Variants in TANC1 observed in about 807,000 individuals in gnomAD.
TANC1 encodes tetratricopeptide repeat, ankyrin repeat and coiled-coil containing 1.
In TANC1, 77 loss-of-function variants were observed where a neutral mutation model predicts 149.7. That is an observed-to-expected ratio of 0.51 (90% confidence interval 0.43 to 0.62). The LOEUF (loss-of-function observed/expected upper bound fraction) is 0.62. Ranked by LOEUF, TANC1 falls within the 20% of genes least tolerant of loss-of-function variation. The pLI is 0.00. For synonymous variants in TANC1, 854 were observed against 925.0 expected, an observed-to-expected ratio of 0.92 and a Z score of 1.39; for missense variants, 1,985 against 2,321.8, an observed-to-expected ratio of 0.85 and a Z score of 2.98.
intron 16 of TANC1, among the ~76,000 whole-genome samples, chr2:159,187,528 C>G (rs1340691636): frequency 2.0e-5 from 3 of 152,218 alleles, no homozygotes; most frequent in Non-Finnish European, 4.4e-5. Context: ...TTCTTCACTT[C>G]TTGGTCAGTG....
chr2:159,206,278 G>A (rs1290529953), intron 19 of TANC1, among the ~76,000 whole-genome samples: 1 of 152,186 alleles, frequency 6.6e-6, no homozygotes, highest in East Asian at 1.9e-4. Flanking sequence ...ATGTGTATGG[G>A]GGTCCTCCAA....
At chr2:159,116,192 C>G (rs942959631) in intron 4 of TANC1, among the ~76,000 whole-genome samples, 4 of 152,022 alleles carry the variant, frequency 2.6e-5, no homozygotes, top group Non-Finnish European at 4.4e-5. Context: ...TTTGGGAGGC[C>G]GAGGCAGACA....
At chr2:159,140,504 G>GA (rs879764613) in intron 5 of TANC1, among the ~76,000 whole-genome samples, 1 of 152,004 alleles carries the variant, frequency 6.6e-6, no homozygotes, top group Non-Finnish European at 1.5e-5. Flanking sequence ...TCTATGCTGT[G>GA]AAAAAACACT....
chr2:158,983,468 C>CAAAAAAAAGAAAAAAAA (rs2034632277), intron 1 of TANC1, among the ~76,000 whole-genome samples: 1 of 88,832 alleles, frequency 1.1e-5, no homozygotes, highest in Non-Finnish European at 2.2e-5. Flanking sequence ...CTCCGTCTCC[C>CAAAAAAAAGAAAAAAAA]AAAAAAAAAA....
At chr2:159,009,092 A>G (rs191382191) in intron 2 of TANC1, among the ~76,000 whole-genome samples, 2 of 152,352 alleles carry the variant, frequency 1.3e-5, no homozygotes, top group African/African-American at 2.4e-5. Context: ...CAGGTTGGAA[A>G]ATAAATTATA....
At chr2:159,117,953 C>CTGGAGTTTTTCTCTACTGGAATTTTTCTG (rs1559292549) in intron 4 of TANC1, among the ~76,000 whole-genome samples, 1 of 73,944 alleles carries the variant, frequency 1.4e-5, no homozygotes, top group Admixed American at 1.5e-4. Flanking sequence ...GAGTTTTTCT[C>CTGGAGTTTTTCTCTACTGGAATTTTTCTG]TACTGGAGTT....
intron 13 of TANC1, among the ~76,000 whole-genome samples, chr2:159,178,164 A>AGAT (rs1559402094): frequency 5.2e-4 from 79 of 152,354 alleles, no homozygotes; most frequent in African/African-American, 1.8e-3. Context: ...TTAGATGTGC[A>AGAT]GTGTTGGTTG....
intron 8 of TANC1, among the ~76,000 whole-genome samples, chr2:159,165,555 G>A (rs1352058899): frequency 1.3e-5 from 2 of 152,178 alleles, no homozygotes; most frequent in Non-Finnish European, 2.9e-5. Flanking sequence ...TCAGTTAAGA[G>A]GAAATGGCAA....
intron 16 of TANC1, among the ~76,000 whole-genome samples, chr2:159,190,957 A>C (rs1438961653): frequency 6.6e-6 from 1 of 152,260 alleles, no homozygotes; most frequent in African/African-American, 2.4e-5. Flanking sequence ...TCTGTAGAGC[A>C]GGCTTGGTGG....
At chr2:159,143,072 A>AAAAAC (rs1553573301) in intron 5 of TANC1, among the ~76,000 whole-genome samples, 5,620 of 116,690 alleles carry the variant, frequency 0.048, 218 homozygotes, top group Non-Finnish European at 0.065. Flanking sequence ...CAAAAAAAAA[A>AAAAAC]AAAAAACAAC....
At chr2:159,122,395 T>A (rs1281438245) in intron 4 of TANC1, among the ~76,000 whole-genome samples, 1 of 152,198 alleles carries the variant, frequency 6.6e-6, no homozygotes, top group East Asian at 1.9e-4. Flanking sequence ...GGTATCACTA[T>A]TATCATTGAA....
intron 2 of TANC1, among the ~76,000 whole-genome samples, chr2:159,034,832 T>C (rs1458201507): frequency 6.6e-6 from 1 of 152,254 alleles, no homozygotes; most frequent in Admixed American, 6.5e-5. Context: ...CACTGTGCTG[T>C]GGTTGAGTGT....
intron 2 of TANC1, chr2:159,055,932 A>G (rs566031661): frequency 1.1e-5 from 2 of 182,982 alleles, no homozygotes; most frequent in African/African-American, 4.7e-5. Context: ...AGAACAAAAA[A>G]GAGTGGAGGC....
At chr2:159,169,451 T>C (rs1225114149) in intron 9 of TANC1, 79 bp downstream of exon 9, 4 of 1,450,014 alleles carry the variant, frequency 2.8e-6, no homozygotes, top group Middle Eastern at 1.8e-4. Context: ...ATAACCAGCA[T>C]TGAAGCCAAC....
At chr2:159,137,370 A>G (rs910593593) in intron 5 of TANC1, among the ~76,000 whole-genome samples, 4 of 152,120 alleles carry the variant, frequency 2.6e-5, no homozygotes, top group Non-Finnish European at 4.4e-5. Flanking sequence ...AGGGAAGGGG[A>G]GTTTGGGACA....
intron 1 of TANC1, among the ~76,000 whole-genome samples, chr2:158,999,757 TCAGAA>T (rs1302846504): frequency 2.6e-5 from 4 of 152,214 alleles, no homozygotes; most frequent in African/African-American, 9.6e-5. Flanking sequence ...GTGAAACATT[TCAGAA>T]CAGAAAGTAG....
At chr2:159,178,513 A>T in intron 13 of TANC1, 43 bp from the exon 14 acceptor site, 1 of 1,510,998 alleles carries the variant, frequency 6.6e-7, no homozygotes, top group Non-Finnish European at 8.8e-7. Flanking sequence ...TAAAAAAGGA[A>T]TCTCTTTAGA....
chr2:159,217,634 C>T lies in TANC1; in HGVS notation c.3378+4C>T, dbSNP rs775068354. On this transcript the variant is annotated splice_donor_region_variant and intron_variant, in intron 20 of 26. Transcript: ENST00000263635. Reference sequence around the variant, plus strand: ...AGCACGCCAGGGGCATTGGCAGGTACCCAGGGGGCCCCTGAATGCTTCAGA... The same window carrying T: ...AGCACGCCAGGGGCATTGGCAGGTATCCAGGGGGCCCCTGAATGCTTCAGA... 5.0e-6 allele frequency: 8 copies of T among 1,613,606 alleles called. No individual in the cohort carries two copies. Among genetic ancestry groups the T allele is most frequent in the African/African-American group, 1.3e-5 (1 of 74,914 alleles).
intron 18 of TANC1, among the ~76,000 whole-genome samples, chr2:159,197,821 A>G (rs1208196774): frequency 6.6e-6 from 1 of 152,114 alleles, no homozygotes; most frequent in African/African-American, 2.4e-5. Flanking sequence ...GTAGGGTGAA[A>G]AAAGCAGGGT....
Sources: gnomAD v4.1 joint callset for allele counts (sites outside exome capture counted in the v4.1 genomes callset) on GRCh38, gnomAD v4.1.1 for gene constraint, MANE v1.5 for transcripts, NCBI Gene and HGNC (gene_info 2026-07-23, HGNC 2026-07-21) for gene names.